Variants in ADAMTS12 observed in about 807,000 individuals in gnomAD.
ADAMTS12 encodes A disintegrin and metalloproteinase with thrombospondin motifs 12.
ADAMTS12 carries 118 observed loss-of-function variants against 167.8 expected under a neutral mutation model. The ratio of observed to expected loss-of-function variants is 0.70; its 90% CI spans 0.61 to 0.82. The LOEUF (loss-of-function observed/expected upper bound fraction) is 0.82. ADAMTS12 is among the 40% of genes least tolerant of loss of function. The pLI is 0.00. For missense variants in ADAMTS12, 1,916 were observed against 1,998.8 expected (o/e 0.96, Z 0.79); for synonymous variants, 704 against 716.9 (o/e 0.98, Z 0.29).
rs1268131329 is a variant in ADAMTS12, at chr5:33,654,506, G to A, written c.1190+3678C>T. 2.0e-5 allele frequency among the ~76,000 whole-genome samples: 3 copies of A among 152,174 alleles called. No individual in the cohort carries two copies. The East Asian group carries it at 5.8e-4, about 29-fold the overall frequency. ...TCTATAGGTACCTGAGTTGTCAAAG[G>A]GATGGCTCCTTGTTACTGTCTAGGG... On this transcript the variant is annotated intron_variant, in intron 7 of 23. Transcript: ENST00000504830.
intron 2 of ADAMTS12, among the ~76,000 whole-genome samples, chr5:33,866,937 A>T (rs76857380): frequency 0.061 from 9,320 of 152,188 alleles, 359 homozygotes; most frequent in African/African-American, 0.1. Context: ...AAGTAAAAAA[A>T]AAATAAATAA....
At chr5:33,687,530 C>T (rs1045598704) in intron 3 of ADAMTS12, among the ~76,000 whole-genome samples, 3 of 152,216 alleles carry the variant, frequency 2.0e-5, no homozygotes, top group South Asian at 2.1e-4. Flanking sequence ...GAGTATGTGA[C>T]GTGATCCTTG....
rs1561168858 is a variant in ADAMTS12, at chr5:33,614,379, A to G, written c.2389-3T>C. ...GGGTTAGTCACCTGGAATAGAAGCTAAAAGGCAAGAGAGGGGTCATGTCAA... is the reference window on the plus strand; with the variant it reads ...GGGTTAGTCACCTGGAATAGAAGCTGAAAGGCAAGAGAGGGGTCATGTCAA... On this transcript the variant is annotated splice_region_variant and splice_polypyrimidine_tract_variant and intron_variant, in intron 15 of 23. Coordinates refer to ENST00000504830, the MANE Select transcript of ADAMTS12 (RefSeq NM_030955.4). The G allele has an allele frequency of 6.2e-7, 1 of 1,613,806 alleles. No individual in the cohort carries two copies. Among genetic ancestry groups the G allele is most frequent in the Non-Finnish European group, 8.5e-7 (1 of 1,179,840 alleles).
intron 12 of ADAMTS12, among the ~76,000 whole-genome samples, chr5:33,631,406 A>G (rs530388996): frequency 1.3e-5 from 2 of 152,286 alleles, no homozygotes; most frequent in South Asian, 4.1e-4. Flanking sequence ...CACCACCAGC[A>G]TAATCCTGCC....
chr5:33,853,148 C>T (rs538759268), intron 2 of ADAMTS12, among the ~76,000 whole-genome samples: 1 of 152,298 alleles, frequency 6.6e-6, no homozygotes, highest in African/African-American at 2.4e-5. Flanking sequence ...TTTTAATCAC[C>T]ACCTTGGAAA....
chr5:33,610,715 C>A (rs1738687418), intron 16 of ADAMTS12, among the ~76,000 whole-genome samples: 1 of 152,116 alleles, frequency 6.6e-6, no homozygotes, highest in South Asian at 2.1e-4. Context: ...AAAATAGTAG[C>A]ATGTATAAAT....
intron 2 of ADAMTS12, among the ~76,000 whole-genome samples, chr5:33,845,077 T>C (rs2111614915): frequency 6.6e-6 from 1 of 152,314 alleles, no homozygotes; most frequent in Non-Finnish European, 1.5e-5. Flanking sequence ...TAATTTTCCA[T>C]ACATGTATAT....
intron 2 of ADAMTS12, among the ~76,000 whole-genome samples, chr5:33,872,271 CG>C (rs1750065722): frequency 6.6e-6 from 1 of 152,108 alleles, no homozygotes; most frequent in African/African-American, 2.4e-5. Context: ...ACTAGCTGGG[CG>C]TGGTGGCTCA....
intron 2 of ADAMTS12, among the ~76,000 whole-genome samples, chr5:33,829,213 C>G (rs1265061085): frequency 6.6e-6 from 1 of 152,084 alleles, no homozygotes; most frequent in Admixed American, 6.6e-5. Flanking sequence ...CTGTGCTCCT[C>G]CCCAAGCTGG....
chr5:33,689,093 A>G (rs1362027479), intron 3 of ADAMTS12, among the ~76,000 whole-genome samples: 2 of 152,194 alleles, frequency 1.3e-5, no homozygotes, highest in African/African-American at 4.8e-5. Context: ...CAACACAGCA[A>G]CATAGACACT....
chr5:33,678,475 A>G (rs376630203), intron 5 of ADAMTS12, among the ~76,000 whole-genome samples: 1 of 152,332 alleles, frequency 6.6e-6, no homozygotes, highest in East Asian at 1.9e-4. Context: ...ATGTAGTTTT[A>G]TGGGAGTCAA....
intron 12 of ADAMTS12, 38 bp downstream of exon 12, chr5:33,637,539 G>A: frequency 3.8e-6 from 6 of 1,579,176 alleles, no homozygotes; most frequent in Non-Finnish European, 4.3e-6. Context: ...GAGAATGGCT[G>A]TTCCCTAGAT....
intron 20 of ADAMTS12, among the ~76,000 whole-genome samples, chr5:33,552,954 G>A (rs1370009157): frequency 6.6e-6 from 1 of 152,104 alleles, no homozygotes; most frequent in African/African-American, 2.4e-5. Flanking sequence ...TGCAAACTAT[G>A]CATCTGACAA....
intron 2 of ADAMTS12, among the ~76,000 whole-genome samples, chr5:33,811,450 C>G (rs1747457253): frequency 6.6e-6 from 1 of 152,102 alleles, no homozygotes; most frequent in Non-Finnish European, 1.5e-5. Flanking sequence ...TCTGAAAAGA[C>G]TTAAAAGGGG....
chr5:33,587,223 C>T (rs1747405309), intron 18 of ADAMTS12, among the ~76,000 whole-genome samples: 2 of 152,146 alleles, frequency 1.3e-5, no homozygotes, highest in Admixed American at 1.3e-4. Flanking sequence ...GAGATGGTAT[C>T]TTTGCTTACA....
chr5:33,684,280 C>T (rs969416168), intron 3 of ADAMTS12, among the ~76,000 whole-genome samples: 3 of 152,040 alleles, frequency 2.0e-5, no homozygotes, highest in African/African-American at 7.2e-5. Context: ...TGTTTCTTAC[C>T]TATTACATTA....
At chr5:33,683,761 TA>T in intron 4 of ADAMTS12, 97 bp downstream of exon 4, 1 of 900,440 alleles carries the variant, frequency 1.1e-6, no homozygotes, top group Non-Finnish European at 1.5e-6. Context: ...AAAAATAAGT[TA>T]AAAGGACCCC....
rs745334642 is a variant in ADAMTS12 at position 33,549,292 on chromosome 5, T to A, written c.4217A>T (p.Gln1406Leu). Residue 1406 changes from glutamine (Q) to leucine (L), a missense_variant, in exon 21 of 24, where the codon CAG (glutamine) becomes CTG (leucine). Coordinates refer to ENST00000504830, the MANE Select transcript of ADAMTS12 (RefSeq NM_030955.4). ...DHRNLRPFHC[Q>L]FLAGIPPPLS... ...TGGGGGAGGAATGCCGGCCAGGAAC[T>A]GGCAGTGAAATGGCCTCAGGTTCCG... is the stretch of plus-strand genomic sequence containing the variant. 6.2e-7 allele frequency: 1 copy of A among 1,614,114 alleles called. No individual in the cohort carries two copies. The highest frequency in any genetic ancestry group is 2.2e-5 in the East Asian group (1 of 44,884).
chr5:33,865,261 C>G (rs534454282), intron 2 of ADAMTS12, among the ~76,000 whole-genome samples: 1 of 151,924 alleles, frequency 6.6e-6, no homozygotes, highest in African/African-American at 2.4e-5. Flanking sequence ...AACAGTATAT[C>G]AGAAAGATAA....
Sources: allele counts gnomAD v4.1 joint callset (sites outside exome capture counted in the v4.1 genomes callset), GRCh38; gene constraint gnomAD v4.1.1; transcripts MANE v1.5; gene names NCBI Gene and HGNC (gene_info 2026-07-23, HGNC 2026-07-21).